The following KHDRBS2 variants were observed in gnomAD, a reference collection of about 807,000 sequenced individuals.
KHDRBS2 encodes KH RNA binding domain containing, signal transduction associated 2.
In KHDRBS2, 26 loss-of-function variants were observed where a neutral mutation model predicts 44.3. That is an observed-to-expected ratio of 0.59 (90% CI 0.43 to 0.81). The LOEUF (loss-of-function observed/expected upper bound fraction) is 0.81. KHDRBS2 is among the 40% of genes least tolerant of loss of function. The pLI is 0.00. For synonymous variants in KHDRBS2, 194 were observed against 151.1 expected (o/e 1.28, Z -2.08); for missense variants, 476 against 433.1 (o/e 1.10, Z -0.88).
At chr6:61,594,230 A>G in the KHDRBS2 span, among the ~76,000 whole-genome samples, 1 of 139,610 alleles carries the variant, frequency 7.2e-6, no homozygotes, top group Non-Finnish European at 1.6e-5. Flanking sequence ...ACATTAAAAA[A>G]TGAGCAACAG....
chr6:61,597,000 T>C, the KHDRBS2 span, among the ~76,000 whole-genome samples: 2 of 152,184 alleles, frequency 1.3e-5, no homozygotes, highest in Non-Finnish European at 2.9e-5. Flanking sequence ...AGTAGAAATT[T>C]ATATCTCAAA....
intron 3 of KHDRBS2, among the ~76,000 whole-genome samples, chr6:62,013,468 T>C (rs1486210675): frequency 2.1e-5 from 3 of 145,204 alleles, no homozygotes; most frequent in Non-Finnish European, 4.5e-5. Flanking sequence ...TTTGGCCTCT[T>C]TCATTTAAAA....
At chr6:62,124,528 A>G (rs1316899167) in intron 2 of KHDRBS2, among the ~76,000 whole-genome samples, 2 of 151,716 alleles carry the variant, frequency 1.3e-5, no homozygotes, top group African/African-American at 2.4e-5. Flanking sequence ...ACTTAATTCA[A>G]TAGGAACTTG....
chr6:62,206,143 C>T (rs185194487), intron 1 of KHDRBS2, among the ~76,000 whole-genome samples: 86 of 152,188 alleles, frequency 5.7e-4, no homozygotes, highest in African/African-American at 1.9e-3. Flanking sequence ...AACAGAGAAC[C>T]TCACTAAAAG....
At chr6:61,961,643 A>C (rs886466980) in intron 4 of KHDRBS2, among the ~76,000 whole-genome samples, 1 of 152,074 alleles carries the variant, frequency 6.6e-6, no homozygotes, top group African/African-American at 2.4e-5. Context: ...AGGCTTTCAC[A>C]CTGAGGGTTC....
intron 1 of KHDRBS2, among the ~76,000 whole-genome samples, chr6:62,254,229 C>T (rs1563141547): frequency 6.6e-6 from 1 of 151,992 alleles, no homozygotes; most frequent in Non-Finnish European, 1.5e-5. Context: ...CTACAGAGTC[C>T]TGCCACTTTA....
At chr6:61,843,691 T>C (rs1793950244) in intron 6 of KHDRBS2, among the ~76,000 whole-genome samples, 1 of 152,150 alleles carries the variant, frequency 6.6e-6, no homozygotes, top group Non-Finnish European at 1.5e-5. Flanking sequence ...GATATCTTCA[T>C]GTGCTATGCA....
chr6:61,924,054 A>C (rs1399080495), intron 4 of KHDRBS2, among the ~76,000 whole-genome samples: 1 of 152,102 alleles, frequency 6.6e-6, no homozygotes, highest in African/African-American at 2.4e-5. Flanking sequence ...CTTTGTAGTA[A>C]AAAATTACAT....
intron 3 of KHDRBS2, among the ~76,000 whole-genome samples, chr6:62,033,166 C>G (rs968192756): frequency 1.3e-5 from 2 of 151,744 alleles, no homozygotes; most frequent in Admixed American, 1.3e-4. Context: ...AATACCCAAA[C>G]AGAGGAGACA....
At chr6:62,220,918 T>C (rs571825320) in intron 1 of KHDRBS2, among the ~76,000 whole-genome samples, 5 of 152,082 alleles carry the variant, frequency 3.3e-5, no homozygotes, top group African/African-American at 1.2e-4. Context: ...ATTTACTGTT[T>C]ATAAAGGACA....
At chr6:61,970,965 C>T (rs1442925022) in intron 4 of KHDRBS2, among the ~76,000 whole-genome samples, 2 of 152,068 alleles carry the variant, frequency 1.3e-5, no homozygotes, top group Admixed American at 1.3e-4. Flanking sequence ...AATAAGTGGG[C>T]TTCTTAAAAC....
intron 2 of KHDRBS2, among the ~76,000 whole-genome samples, chr6:62,144,994 C>T (rs745945281): frequency 6.6e-6 from 1 of 151,980 alleles, no homozygotes; most frequent in Non-Finnish European, 1.5e-5. Flanking sequence ...AGATCCCCCA[C>T]TGCTGGTTCC....
the KHDRBS2 span, among the ~76,000 whole-genome samples, chr6:61,633,283 G>A: frequency 1.3e-5 from 2 of 151,880 alleles, no homozygotes; most frequent in African/African-American, 4.8e-5. Context: ...AAATGTGGAG[G>A]GCTTCAAAAG....
intron 2 of KHDRBS2, among the ~76,000 whole-genome samples, chr6:62,153,495 T>TA (rs559972115): frequency 7.7e-4 from 18 of 23,282 alleles, no homozygotes; most frequent in Non-Finnish European, 1.5e-3. Flanking sequence ...AGCCTTTATA[T>TA]TTTTTTTAAG....
chr6:61,820,002 G>T (rs141073395), intron 6 of KHDRBS2, among the ~76,000 whole-genome samples: 408 of 152,136 alleles, frequency 2.7e-3, no homozygotes, highest in African/African-American at 9.4e-3. Flanking sequence ...TTTCAGGTAA[G>T]GCACAGGAAG....
intron 3 of KHDRBS2, among the ~76,000 whole-genome samples, chr6:62,008,287 C>T (rs937223641): frequency 6.6e-6 from 1 of 151,854 alleles, no homozygotes; most frequent in African/African-American, 2.4e-5. Context: ...TTTTTTTAAA[C>T]CTAAACAAAA....
At chr6:61,688,293 T>C (rs1421448741) in intron 8 of KHDRBS2, among the ~76,000 whole-genome samples, 1 of 151,874 alleles carries the variant, frequency 6.6e-6, no homozygotes, top group Non-Finnish European at 1.5e-5. Flanking sequence ...GAAAAAATGG[T>C]GAATGATAAT....
intron 1 of KHDRBS2, among the ~76,000 whole-genome samples, chr6:62,254,525 C>A (rs984196145): frequency 6.6e-6 from 1 of 151,984 alleles, no homozygotes; most frequent in Non-Finnish European, 1.5e-5. Context: ...AAGATGGAAT[C>A]AGTCATGCAA....
intron 2 of KHDRBS2, among the ~76,000 whole-genome samples, chr6:62,095,440 T>C (rs1301246168): frequency 6.6e-6 from 1 of 151,864 alleles, no homozygotes; most frequent in Admixed American, 6.6e-5. Context: ...ACACAAATAC[T>C]ATTGTGTTAC....
Sources: gnomAD v4.1 joint callset for allele counts (sites outside exome capture counted in the v4.1 genomes callset) on GRCh38, gnomAD v4.1.1 for gene constraint, MANE v1.5 for transcripts, NCBI Gene and HGNC (gene_info 2026-07-23, HGNC 2026-07-21) for gene names.